CAMK1D: variants seen among roughly 807,000 people sequenced by gnomAD.
The protein encoded by CAMK1D is calcium/calmodulin dependent protein kinase ID.
Under a neutral mutation model 47.7 loss-of-function variants are expected in CAMK1D, and 9 were observed. The observed-to-expected ratio is 0.19, with a 90% CI of 0.11 to 0.33. CAMK1D has a LOEUF of 0.33. Ranked by LOEUF, CAMK1D falls within the 10% of genes least tolerant of loss-of-function variation. The probability of loss-of-function intolerance (pLI) is 1.00; values close to 1 mark genes in which losing one functional copy is unlikely to be tolerated. For synonymous variants in CAMK1D, 184 were observed against 184.9 expected (o/e 0.99, Z 0.04); for missense variants, 291 against 488.7 (o/e 0.60, Z 3.81).
intron 4 of CAMK1D, among the ~76,000 whole-genome samples, chr10:12,762,831 A>C (rs1836571358): frequency 6.6e-6 from 1 of 152,146 alleles, no homozygotes; most frequent in Non-Finnish European, 1.5e-5. Flanking sequence ...CACCTCTGCC[A>C]GGCCTCCGGG....
intron 1 of CAMK1D, among the ~76,000 whole-genome samples, chr10:12,462,252 G>A (rs1418213166): frequency 7.5e-6 from 1 of 133,830 alleles, no homozygotes; most frequent in Non-Finnish European, 1.5e-5. Flanking sequence ...TGCAACCTTC[G>A]CCTCCCAGGT....
intron 2 of CAMK1D, among the ~76,000 whole-genome samples, chr10:12,578,596 G>A (rs115872817): frequency 0.019 from 2,271 of 119,636 alleles, 61 homozygotes; most frequent in African/African-American, 0.073. Context: ...GTTTTGTAGA[G>A]ATGAGATGTA....
intron 2 of CAMK1D, among the ~76,000 whole-genome samples, chr10:12,622,188 C>T (rs1234124015): frequency 1.3e-5 from 2 of 152,196 alleles, no homozygotes; most frequent in Non-Finnish European, 2.9e-5. Flanking sequence ...GTGAGGTGGA[C>T]ACCTAGGCCC....
intron 1 of CAMK1D, among the ~76,000 whole-genome samples, chr10:12,423,235 C>T (rs1351080235): frequency 1.3e-5 from 2 of 150,332 alleles, no homozygotes; most frequent in African/African-American, 4.9e-5. Context: ...CCCCTTCGGC[C>T]AGGTGCAGTG....
At chr10:12,395,987 C>T (rs1047248948) in intron 1 of CAMK1D, among the ~76,000 whole-genome samples, 1 of 151,836 alleles carries the variant, frequency 6.6e-6, no homozygotes, top group African/African-American at 2.4e-5. Context: ...GATTCTCCTG[C>T]CTCAGCCTCC....
At chr10:12,374,867 TG>T (rs1424299414) in intron 1 of CAMK1D, among the ~76,000 whole-genome samples, 1 of 138,156 alleles carries the variant, frequency 7.2e-6, no homozygotes, top group Non-Finnish European at 1.5e-5. Flanking sequence ...CACTTGAACC[TG>T]GGAGGCGGAA....
In CAMK1D at chr10:12,648,422, C is replaced by G. The variant is rs963451159; in HGVS notation, c.225-18314C>G. Among the ~76,000 whole-genome samples, 13 of 152,306 alleles carry G rather than the reference C, an allele frequency of 8.5e-5. No homozygotes were observed. The East Asian group carries it at 1.2e-3, about 14-fold the overall frequency. ...GGATATTGATGATCAGTAATGGCTA[C>G]TCCGCTAGATGGACTTCAGTGTCTT... On this transcript the variant is annotated intron_variant, in intron 2 of 10. Transcript: ENST00000619168.
chr10:12,688,094 C>T (rs979356263), intron 3 of CAMK1D, among the ~76,000 whole-genome samples: 4 of 152,200 alleles, frequency 2.6e-5, no homozygotes, highest in African/African-American at 9.7e-5. Flanking sequence ...CCATTTAATG[C>T]AGGCTCTGCT....
Position 12,831,370 on chromosome 10 carries a change from A to T in CAMK1D, c.*2483A>T, listed in dbSNP as rs1833416388. The T allele has an allele frequency of 1.3e-5, 2 of 152,216 alleles. No homozygotes were observed. Among genetic ancestry groups the T allele is most frequent in the Non-Finnish European group, 1.5e-5 (1 of 68,038 alleles). 9.4% of individuals were successfully genotyped at this position (152,216 alleles called of 1,614,324 possible). On this transcript the variant is annotated 3_prime_UTR_variant, in exon 11 of 11. Coordinates refer to ENST00000619168, the MANE Select transcript of CAMK1D (RefSeq NM_153498.4). ...CTGCAAGCGCTGAAAATGCACCCGA[A>T]TCTGGTACCTAGGATGAGTACATGA...
intron 1 of CAMK1D, among the ~76,000 whole-genome samples, chr10:12,496,611 C>T (rs1834546992): frequency 6.6e-6 from 1 of 152,160 alleles, no homozygotes; most frequent in Admixed American, 6.5e-5. Context: ...AGACCTTATG[C>T]CCTAGAAGAG....
intron 10 of CAMK1D, 98 bp from the exon 11 acceptor site, chr10:12,828,671 C>CGA: frequency 1.1e-6 from 1 of 921,800 alleles, no homozygotes; most frequent in South Asian, 1.4e-5. Flanking sequence ...CCCCCCCGCC[C>CGA]CCCACCATAA....
At chr10:12,411,467 C>T (rs1271544176) in intron 1 of CAMK1D, among the ~76,000 whole-genome samples, 1 of 152,076 alleles carries the variant, frequency 6.6e-6, no homozygotes, top group Non-Finnish European at 1.5e-5. Flanking sequence ...CAGGAGTGCC[C>T]TGTGAGTGCC....
intron 1 of CAMK1D, among the ~76,000 whole-genome samples, chr10:12,529,181 A>G: frequency 6.6e-6 from 1 of 152,206 alleles, no homozygotes; most frequent in African/African-American, 2.4e-5. Flanking sequence ...TGTAAGGCAC[A>G]GATGTCCCAA....
At chr10:12,506,598 A>C (rs554034261) in intron 1 of CAMK1D, among the ~76,000 whole-genome samples, 1 of 151,970 alleles carries the variant, frequency 6.6e-6, no homozygotes, top group South Asian at 2.1e-4. Flanking sequence ...AGCTCACTGC[A>C]GTCTCCGCCT....
At chr10:12,459,033 C>T (rs1833345231) in intron 1 of CAMK1D, among the ~76,000 whole-genome samples, 1 of 151,972 alleles carries the variant, frequency 6.6e-6, no homozygotes, top group Non-Finnish European at 1.5e-5. Flanking sequence ...GATGCGCCAC[C>T]ACGTGTGGCT....
chr10:12,404,051 C>CT lies in CAMK1D; in HGVS notation c.92+54152dup, dbSNP rs796293400. Among the ~76,000 whole-genome samples, 255 of 144,928 alleles carry CT rather than the reference C, an allele frequency of 1.8e-3. 1 individual carries two copies. The highest frequency in any genetic ancestry group is 5.0e-3 in the African/African-American group (199 of 39,924). Reference sequence around the variant, plus strand: ...TGTAGTTTTTTGAGCTTTTCTTTTTCTTTTTTTTTTTGAGACTGAGTTTCG... The same window carrying CT: ...TGTAGTTTTTTGAGCTTTTCTTTTTCTTTTTTTTTTTTGAGACTGAGTTTCG... On this transcript the variant is annotated intron_variant, in intron 1 of 10. Coordinates refer to ENST00000619168, the MANE Select transcript of CAMK1D (RefSeq NM_153498.4).
chr10:12,654,427 T>C (rs1038613434), intron 2 of CAMK1D, among the ~76,000 whole-genome samples: 1 of 152,192 alleles, frequency 6.6e-6, no homozygotes, highest in African/African-American at 2.4e-5. Flanking sequence ...CTGGTGCTAA[T>C]TTTCATGTTT....
intron 5 of CAMK1D, among the ~76,000 whole-genome samples, chr10:12,778,722 T>C (rs1212451430): frequency 2.6e-5 from 4 of 151,694 alleles, no homozygotes; most frequent in Non-Finnish European, 5.9e-5. Context: ...TCTAAAAAAA[T>C]AGTAGGTGGG....
chr10:12,818,818 A>G (rs149938110), intron 8 of CAMK1D, among the ~76,000 whole-genome samples: 2 of 152,360 alleles, frequency 1.3e-5, no homozygotes, highest in African/African-American at 4.8e-5. Context: ...GAAGAAAGGA[A>G]AGGCTTGGGG....
Sources: gnomAD v4.1 joint callset for allele counts (sites outside exome capture counted in the v4.1 genomes callset) on GRCh38, gnomAD v4.1.1 for gene constraint, MANE v1.5 for transcripts, NCBI Gene and HGNC (gene_info 2026-07-23, HGNC 2026-07-21) for gene names.